TOGARAM1: variants seen among roughly 807,000 people sequenced by gnomAD.
TOGARAM1 encodes TOG array regulator of axonemal microtubules 1, also known as TOG array regulator of axonemal microtubules protein 1.
A neutral mutation model predicts 166.6 loss-of-function variants in TOGARAM1; 100 were observed. The ratio of observed to expected loss-of-function variants is 0.60; its 90% CI spans 0.51 to 0.71. TOGARAM1 has a LOEUF of 0.71. TOGARAM1 is among the 30% of genes least tolerant of loss of function. The probability of loss-of-function intolerance (pLI) is 0.00; values close to 1 mark genes in which losing one functional copy is unlikely to be tolerated. For missense variants in TOGARAM1, 2,029 were observed against 2,102.7 expected, an observed-to-expected ratio of 0.96 and a Z score of 0.69; for synonymous variants, 758 against 763.8, an observed-to-expected ratio of 0.99 and a Z score of 0.13.
intron 14 of TOGARAM1, among the ~76,000 whole-genome samples, chr14:45,049,968 G>A (rs1326279179): frequency 6.6e-6 from 1 of 151,984 alleles, no homozygotes; most frequent in Non-Finnish European, 1.5e-5. Context: ...TTATAAAATG[G>A]TTACAATTAA....
chr14:45,013,844 C>G (rs1055788415), intron 7 of TOGARAM1, among the ~76,000 whole-genome samples: 3 of 152,008 alleles, frequency 2.0e-5, no homozygotes, highest in Non-Finnish European at 4.4e-5. Context: ...ATTGTATCTA[C>G]TTTGTAAAAA....
At chr14:44,984,041 G>C (rs542691377) in intron 1 of TOGARAM1, among the ~76,000 whole-genome samples, 1 of 152,074 alleles carries the variant, frequency 6.6e-6, no homozygotes, top group Non-Finnish European at 1.5e-5. Context: ...AGAACAATAA[G>C]AATATTAATT....
chr14:45,073,612 A>T lies in TOGARAM1; in HGVS notation c.*51A>T, dbSNP rs1016643134. The T allele has an allele frequency of 6.5e-7, 1 of 1,535,718 alleles. No homozygotes were observed. Among genetic ancestry groups the T allele is most frequent in the Non-Finnish European group, 8.8e-7 (1 of 1,138,520 alleles). ...AACAAAAGTGTTTACATGATGACAA[A>T]TGGAACTTTCTAAAAGTTATGTTAT... On this transcript the variant is annotated 3_prime_UTR_variant, in exon 20 of 20. Coordinates refer to ENST00000361462, the MANE Select transcript of TOGARAM1 (RefSeq NM_001308120.2).
chr14:45,021,864 T>C (rs943912633), intron 7 of TOGARAM1, among the ~76,000 whole-genome samples: 2 of 152,234 alleles, frequency 1.3e-5, no homozygotes, highest in Middle Eastern at 3.4e-3. Context: ...GGAGGTGATA[T>C]CTGCAACTAA....
At chr14:45,040,623 A>G (rs1881678862) in intron 11 of TOGARAM1, among the ~76,000 whole-genome samples, 1 of 152,240 alleles carries the variant, frequency 6.6e-6, no homozygotes, top group African/African-American at 2.4e-5. Context: ...CTGATCATAC[A>G]GCTGTTAAAC....
chr14:44,976,476 C>T (rs1886198098), intron 1 of TOGARAM1, among the ~76,000 whole-genome samples: 2 of 152,116 alleles, frequency 1.3e-5, no homozygotes, highest in African/African-American at 4.8e-5. Context: ...GTCTTATTTC[C>T]CACTATACTC....
intron 4 of TOGARAM1, among the ~76,000 whole-genome samples, chr14:45,005,705 T>C (rs1887919983): frequency 6.6e-6 from 1 of 152,234 alleles, no homozygotes; most frequent in Non-Finnish European, 1.5e-5. Context: ...TGATGTAAGA[T>C]GTTTCACCTT....
intron 7 of TOGARAM1, among the ~76,000 whole-genome samples, chr14:45,018,389 G>C (rs568726416): frequency 6.6e-6 from 1 of 152,170 alleles, no homozygotes; most frequent in Admixed American, 6.5e-5. Context: ...ACAGGTGCAT[G>C]CCACCACGCC....
chr14:45,053,983 A>T (rs1882507430), intron 15 of TOGARAM1, among the ~76,000 whole-genome samples: 1 of 152,006 alleles, frequency 6.6e-6, no homozygotes, highest in African/African-American at 2.4e-5. Flanking sequence ...GGTTCAAGGA[A>T]TTCTCCTGCC....
chr14:45,047,176 G>T (rs1882106755), intron 14 of TOGARAM1, among the ~76,000 whole-genome samples: 1 of 152,140 alleles, frequency 6.6e-6, no homozygotes, highest in Admixed American at 6.6e-5. Flanking sequence ...TGGATCACGA[G>T]ATCAGGAGTT....
At chr14:44,972,563 A>T (rs1885943587) in intron 1 of TOGARAM1, among the ~76,000 whole-genome samples, 1 of 152,122 alleles carries the variant, frequency 6.6e-6, no homozygotes. Context: ...TGTTGGGCAC[A>T]CATTAAGAAT....
Position 45,027,474 on chromosome 14 carries a change from T to C in TOGARAM1, c.3504T>C (p.Asp1168=), listed in dbSNP as rs926720067. 1.2e-5 allele frequency: 19 copies of C among 1,600,852 alleles called. No individual in the cohort carries two copies. Among genetic ancestry groups the C allele is most frequent in the Non-Finnish European group, 1.5e-5 (18 of 1,172,952 alleles). The change falls in exon 9 of 20, where the codon GAT becomes GAC. Residue 1168 remains aspartate, a splice_region_variant and synonymous_variant. Coordinates refer to ENST00000361462, the MANE Select transcript of TOGARAM1 (RefSeq NM_001308120.2). ...SSYLDVENEK[D]AKVSISKSTY... is the part of the protein sequence containing the mutation. ...ATCTTGATGTTGAGAATGAAAAAGA[T>C]GTAAGGTTATTTGCTAATTATTAGA...
chr14:45,003,996 A>G, intron 3 of TOGARAM1, 65 bp from the exon 4 acceptor site: 1 of 1,377,562 alleles, frequency 7.3e-7, no homozygotes, highest in Non-Finnish European at 9.6e-7. Context: ...AGCAAAAAGC[A>G]AAAAAGCTTT....
At chr14:44,973,115 A>G (rs1009141694) in intron 1 of TOGARAM1, among the ~76,000 whole-genome samples, 1 of 151,868 alleles carries the variant, frequency 6.6e-6, no homozygotes, top group African/African-American at 2.4e-5. Context: ...GTTGTTTTCT[A>G]TTTGTTGCTC....
At chr14:45,068,710 T>TAA in intron 18 of TOGARAM1, 67 bp downstream of exon 18, 1 of 1,263,392 alleles carries the variant, frequency 7.9e-7, no homozygotes, top group East Asian at 2.5e-5. Context: ...ATTCCATCCA[T>TAA]ACTTTTTTTG....
At chr14:45,054,605 C>T in intron 16 of TOGARAM1, 56 bp downstream of exon 16, 1 of 1,246,018 alleles carries the variant, frequency 8.0e-7, no homozygotes, top group Admixed American at 2.3e-5. Flanking sequence ...ATAGTAGTCT[C>T]ATTTGGATGT....
At position 45,006,440 on chromosome 14, in the gene TOGARAM1, G is replaced by A. The variant is rs906666098; in HGVS notation, c.2904+173G>A. ...AATTAGTAGGAAGGGAATTTATCAC[G>A]CCAGTTCCCACTACCAGAATAATTT... is the stretch of plus-strand genomic sequence containing the variant. On this transcript the variant is annotated intron_variant, in intron 5 of 19. Transcript: ENST00000361462. The A allele has an allele frequency of 2.5e-5, 13 of 522,032 alleles. No homozygotes were observed. In the Admixed American group the frequency reaches 2.7e-4, roughly 11 times the overall value. The allele number at this position is 522,032 out of a possible 1,614,324, so 32.3% of individuals were successfully genotyped here.
rs1386019353 is a variant in TOGARAM1, at chr14:45,027,384, TAAAC to T, written c.3418_3421del (p.Gln1140ValfsTer41). On this transcript the variant is annotated frameshift_variant, in exon 9 of 20. Transcript: ENST00000361462. LOFTEE classifies it high-confidence loss of function. ...TGGAAAATGGGGATACATTTTCAAT[TAAAC>T]AAAGTATTGAACCACCATCAGGGAT... 3 of 1,613,694 alleles carry T rather than the reference TAAAC, an allele frequency of 1.9e-6. No homozygotes were observed. The highest frequency in any genetic ancestry group is 8.5e-7 in the Non-Finnish European group (1 of 1,179,812).
In TOGARAM1 at chr14:44,962,530, C is replaced by G; in HGVS notation, c.109C>G (p.Arg37Gly). The change falls in exon 1 of 20, where the codon CGA (arginine) becomes GGA (glycine). Residue 37 changes from arginine (R) to glycine (G), a missense_variant. Physicochemically the swap from Arg to Gly is moderately radical, Grantham distance 125. Transcript: ENST00000361462. ...TTCCGCCCCAGAGACCGATGATAGTCGAGTTGGGGGCATTATGAGAGGAGA... is the reference window on the plus strand; with the variant it reads ...TTCCGCCCCAGAGACCGATGATAGTGGAGTTGGGGGCATTATGAGAGGAGA... Reference protein sequence around the residue: ...RPSAPETDDSRVGGIMRGEKN... With the variant: ...RPSAPETDDSGVGGIMRGEKN... The G allele has an allele frequency of 6.2e-7, 1 of 1,613,638 alleles. No individual in the cohort carries two copies. Among genetic ancestry groups the G allele is most frequent in the Non-Finnish European group, 8.5e-7 (1 of 1,179,922 alleles).
Sources: allele counts gnomAD v4.1 joint callset (sites outside exome capture counted in the v4.1 genomes callset), GRCh38; gene constraint gnomAD v4.1.1; transcripts MANE v1.5; gene names NCBI Gene and HGNC (gene_info 2026-07-23, HGNC 2026-07-21).